Variants in AAMDC observed in about 807,000 individuals in gnomAD.
The protein encoded by AAMDC is mth938 domain-containing protein.
Under a neutral mutation model 15.5 loss-of-function variants are expected in AAMDC, and 16 were observed. The ratio of observed to expected loss-of-function variants is 1.03; its 90% CI spans 0.70 to 1.57. AAMDC has a LOEUF of 1.57. Ranked by LOEUF, AAMDC falls within the 40% of genes most tolerant of loss-of-function variation. The pLI, the probability that AAMDC is intolerant of heterozygous loss-of-function variation, is 0.00. For synonymous variants in AAMDC, 51 were observed against 51.6 expected, an observed-to-expected ratio of 0.99 and a Z score of 0.05; for missense variants, 141 against 144.9, an observed-to-expected ratio of 0.97 and a Z score of 0.14.
intron 1 of AAMDC, among the ~76,000 whole-genome samples, chr11:77,823,475 A>T (rs950041502): frequency 4.0e-5 from 6 of 151,792 alleles, no homozygotes; most frequent in African/African-American, 1.5e-4. Context: ...TCATGCCTGT[A>T]ATCCAAGCAC....
intron 2 of AAMDC, among the ~76,000 whole-genome samples, chr11:77,865,334 G>A (rs1402075847): frequency 2.0e-5 from 3 of 152,214 alleles, no homozygotes; most frequent in Non-Finnish European, 4.4e-5. Context: ...TAGGGTGGGA[G>A]AGATGTGGAT....
chr11:77,833,007 A>ATTTTT lies in AAMDC; in HGVS notation c.-18-9471_-18-9470insTTTTT, dbSNP rs1413082849. 6.7e-4 allele frequency among the ~76,000 whole-genome samples: 35 copies of ATTTTT among 51,948 alleles called. 4 individuals carry two copies. The highest frequency in any genetic ancestry group is 3.0e-3 in the African/African-American group (31 of 10,328). The allele number at this position is 51,948 out of a possible 152,430, so 34.1% of individuals were successfully genotyped here. A position where few individuals can be genotyped will look rare whatever the true frequency, so the allele number is the denominator to read the frequency against. Reference sequence around the variant, plus strand: ...TGTGTGTGTGTGTGTGTATATATATATATTTTTTTTTTTTTTTTTTTTGAG... The same window carrying ATTTTT: ...TGTGTGTGTGTGTGTGTATATATATATTTTTTATTTTTTTTTTTTTTTTTTTTGAG... On this transcript the variant is annotated intron_variant, in intron 1 of 3. Transcript: ENST00000393427.
chr11:77,883,035 C>A lies in AAMDC; in HGVS notation c.328+5986C>A, dbSNP rs1483426134. 2.6e-5 allele frequency among the ~76,000 whole-genome samples: 4 copies of A among 152,064 alleles called. No homozygotes were observed. The East Asian group carries it at 7.7e-4, about 29-fold the overall frequency. On this transcript the variant is annotated intron_variant, in intron 5 of 5. Coordinates refer to the AAMDC transcript ENST00000304716. ...AGGTTGCAGTGAGCCGAGATTGCAC[C>A]ACTGCACTCCAGCCTGGGCAAGAGC... is the stretch of plus-strand genomic sequence containing the variant.
Position 77,836,897 on chromosome 11 carries a change from G to A in AAMDC, c.-18-5582G>A, listed in dbSNP as rs561779582. ...GGAGAATCGCTTGAACCCGGGAGGC[G>A]GAGGTTGCGGTGAGCCAAGATCGCG... On this transcript the variant is annotated intron_variant, in intron 1 of 3. Coordinates refer to ENST00000393427, the MANE Select transcript of AAMDC (RefSeq NM_024684.4). Among the ~76,000 whole-genome samples the A allele has an allele frequency of 1.8e-3, 277 of 152,168 alleles. 2 individuals are homozygous for A. Among genetic ancestry groups the A allele is most frequent in the African/African-American group, 6.4e-3 (267 of 41,522 alleles).
rs1450619594 is a variant in AAMDC at position 77,894,924 on chromosome 11, C to A, written c.329-5647C>A. ...GTCTACATGCAATTTACTCAGAGATCATTTTTTCCATAGCGGTATAGCCTA... is the reference window on the plus strand; with the variant it reads ...GTCTACATGCAATTTACTCAGAGATAATTTTTTCCATAGCGGTATAGCCTA... On this transcript the variant is annotated intron_variant, in intron 5 of 5. Coordinates refer to the AAMDC transcript ENST00000304716. Among the ~76,000 whole-genome samples, 12 of 152,290 alleles carry A rather than the reference C, an allele frequency of 7.9e-5. No homozygotes were observed. The East Asian group carries it at 2.3e-3, about 29-fold the overall frequency.
chr11:77,830,947 T>A (rs1949392206), intron 1 of AAMDC, among the ~76,000 whole-genome samples: 1 of 144,466 alleles, frequency 6.9e-6, no homozygotes, highest in Admixed American at 7.2e-5. Context: ...TTGAGACCAT[T>A]CTGGGAAACA....
At chr11:77,832,975 GTGTGTGTGTGTGT>G (rs1949508301) in intron 1 of AAMDC, among the ~76,000 whole-genome samples, 1 of 65,066 alleles carries the variant, frequency 1.5e-5, no homozygotes, top group Non-Finnish European at 2.8e-5. Flanking sequence ...GTGTGTGTGT[GTGTGTGTGTGTGT>G]GTGTGTGTGT....
chr11:77,850,376 G>A (rs1162590346), intron 2 of AAMDC, among the ~76,000 whole-genome samples: 3 of 152,094 alleles, frequency 2.0e-5, no homozygotes, highest in Non-Finnish European at 2.9e-5. Context: ...TTGAGCATAA[G>A]TTGTTCTTTC....
At chr11:77,893,532 C>T (rs1952367148) in intron 5 of AAMDC, among the ~76,000 whole-genome samples, 2 of 152,126 alleles carry the variant, frequency 1.3e-5, no homozygotes, top group Admixed American at 6.5e-5. Context: ...TAGCTTTAGC[C>T]CACGAGTTCA....
At chr11:77,841,698 C>G (rs1004228768) in intron 1 of AAMDC, among the ~76,000 whole-genome samples, 3 of 152,160 alleles carry the variant, frequency 2.0e-5, no homozygotes, top group Admixed American at 2.0e-4. Flanking sequence ...CTTGCAGCCT[C>G]TGGTCCACTT....
chr11:77,821,154 C>A lies in AAMDC; in HGVS notation c.-106C>A. 1 of 389,002 alleles carries A rather than the reference C, an allele frequency of 2.6e-6. No homozygotes were observed. The highest frequency in any genetic ancestry group is 8.4e-5 in the South Asian group (1 of 11,880). The allele number at this position is 389,002 out of a possible 1,614,324, so 24.1% of individuals were successfully genotyped here. A position where few individuals can be genotyped will look rare whatever the true frequency, so the allele number is the denominator to read the frequency against. On this transcript the variant is annotated 5_prime_UTR_variant, in exon 1 of 4. Transcript: ENST00000393427. ...GTATTCCCGGAGGGCAGTTGGGGAG[C>A]GCAGATCCCGAAGCAGCGCTGGGAG... is the stretch of plus-strand genomic sequence containing the variant.
chr11:77,899,841 T>TC (rs1291578581), intron 5 of AAMDC, among the ~76,000 whole-genome samples: 2 of 152,088 alleles, frequency 1.3e-5, no homozygotes, highest in African/African-American at 2.4e-5. Context: ...ATTGTACACA[T>TC]CTTTATAATC....
intron 5 of AAMDC, among the ~76,000 whole-genome samples, chr11:77,897,625 C>T (rs973637314): frequency 1.8e-4 from 27 of 149,746 alleles, no homozygotes; most frequent in Admixed American, 9.9e-4. Context: ...CTCAGCCTCC[C>T]GAGTAGCTGG....
At chr11:77,843,557 T>C (rs1237368336) in intron 2 of AAMDC, among the ~76,000 whole-genome samples, 2 of 152,202 alleles carry the variant, frequency 1.3e-5, no homozygotes, top group African/African-American at 4.8e-5. Context: ...GGCATTTATC[T>C]TGACGCCTCC....
chr11:77,859,549 C>T (rs1191033196), intron 2 of AAMDC, among the ~76,000 whole-genome samples: 2 of 152,164 alleles, frequency 1.3e-5, no homozygotes, highest in African/African-American at 4.8e-5. Context: ...AATTCTAGTG[C>T]CCGAGTGAGG....
chr11:77,892,708 G>A (rs112350815), intron 5 of AAMDC, among the ~76,000 whole-genome samples: 8,521 of 151,938 alleles, frequency 0.056, 355 homozygotes, highest in Non-Finnish European at 0.076. Flanking sequence ...TCAGCCTCCC[G>A]AGTAGCTGGG....
downstream of AAMDC, among the ~76,000 whole-genome samples, chr11:77,902,076 C>G (rs1033030919): frequency 2.0e-5 from 3 of 152,194 alleles, no homozygotes; most frequent in Admixed American, 6.5e-5. Context: ...TCGGTTCTAT[C>G]CAAATAAGCG....
chr11:77,872,544 C>T (rs1244024189), downstream of AAMDC, among the ~76,000 whole-genome samples: 1 of 152,176 alleles, frequency 6.6e-6, no homozygotes, highest in Non-Finnish European at 1.5e-5. Context: ...ACTGAGGGAA[C>T]ATCTGAGTAA....
intron 5 of AAMDC, among the ~76,000 whole-genome samples, chr11:77,899,282 T>G (rs1952670740): frequency 8.3e-6 from 1 of 119,870 alleles, no homozygotes; most frequent in Non-Finnish European, 1.8e-5. Context: ...GAGTTTAGAA[T>G]TAGGGTGCAT....
Sources: gnomAD v4.1 joint callset for allele counts (sites outside exome capture counted in the v4.1 genomes callset) on GRCh38, gnomAD v4.1.1 for gene constraint, MANE v1.5 for transcripts, NCBI Gene and HGNC (gene_info 2026-07-23, HGNC 2026-07-21) for gene names.